Variants in TMEM132C observed in about 807,000 individuals in gnomAD.
TMEM132C encodes transmembrane protein 132C, also known as protein phosphatase 1, regulatory subunit 152.
Under a neutral mutation model 61.4 loss-of-function variants are expected in TMEM132C, and 29 were observed. The observed-to-expected ratio is 0.47, with a 90% CI of 0.35 to 0.64. The LOEUF (loss-of-function observed/expected upper bound fraction) is 0.64. Ranked by LOEUF, TMEM132C falls within the 30% of genes least tolerant of loss-of-function variation. TMEM132C has a pLI of 0.00. For synonymous variants in TMEM132C, 656 were observed against 633.1 expected, an observed-to-expected ratio of 1.04 and a Z score of -0.54; for missense variants, 1,408 against 1,476.9, an observed-to-expected ratio of 0.95 and a Z score of 0.76.
rs150302826 is a variant in TMEM132C at position 128,643,581 on chromosome 12, A to G, written c.1306-25836A>G. Among the ~76,000 whole-genome samples, 538 of 152,136 alleles carry G rather than the reference A, an allele frequency of 3.5e-3. 2 individuals carry two copies. Among genetic ancestry groups the G allele is most frequent in the Admixed American group, 4.7e-3 (72 of 15,294 alleles). On this transcript the variant is annotated intron_variant, in intron 4 of 8. Coordinates refer to ENST00000435159, the MANE Select transcript of TMEM132C (RefSeq NM_001136103.3). ...AAAAATCTCAGTATTCGGACACTGT[A>G]TTTGCTGGGATAGACAACGGGCAGA...
chr12:128,321,968 A>G (rs1872349163), intron 1 of TMEM132C, among the ~76,000 whole-genome samples: 2 of 152,230 alleles, frequency 1.3e-5, no homozygotes, highest in African/African-American at 4.8e-5. Flanking sequence ...GGCCCACCTG[A>G]AGTGCCAGAA....
intron 2 of TMEM132C, among the ~76,000 whole-genome samples, chr12:128,449,362 C>G (rs1195133783): frequency 1.3e-5 from 2 of 152,168 alleles, no homozygotes; most frequent in Admixed American, 1.3e-4. Flanking sequence ...CTTTCCTGGT[C>G]CCCGGAGGCG....
chr12:128,389,779 A>G (rs958366431), intron 1 of TMEM132C, among the ~76,000 whole-genome samples: 1 of 152,344 alleles, frequency 6.6e-6, no homozygotes, highest in Admixed American at 6.5e-5. Context: ...CCAGGTAGAC[A>G]CAGGCCAATT....
chr12:128,676,750 A>G lies in TMEM132C; in HGVS notation c.1449+7190A>G, dbSNP rs980706633. ...TTTCAGTCCTGGTTTGTCTTACAGA[A>G]ATAGAGCCATATCCTTATGCATTTC... is the stretch of plus-strand genomic sequence containing the variant. On this transcript the variant is annotated intron_variant, in intron 5 of 8. Coordinates refer to ENST00000435159, the MANE Select transcript of TMEM132C (RefSeq NM_001136103.3). 1.3e-5 allele frequency among the ~76,000 whole-genome samples: 2 copies of G among 152,228 alleles called. 1 individual carries two copies. The highest frequency in any genetic ancestry group is 1.3e-4 in the Admixed American group (2 of 15,286).
chr12:128,469,840 A>G (rs1201266671), intron 2 of TMEM132C, among the ~76,000 whole-genome samples: 4 of 152,118 alleles, frequency 2.6e-5, no homozygotes, highest in South Asian at 2.1e-4. Flanking sequence ...ATATACATAA[A>G]TGTACCTGTG....
chr12:128,521,812 A>T (rs1872915460), intron 2 of TMEM132C, among the ~76,000 whole-genome samples: 1 of 152,192 alleles, frequency 6.6e-6, no homozygotes. Context: ...CACAATTTTT[A>T]AAAAATATTT....
chr12:128,546,283 T>C (rs1328423494), intron 3 of TMEM132C, among the ~76,000 whole-genome samples: 2 of 152,214 alleles, frequency 1.3e-5, no homozygotes, highest in Admixed American at 1.3e-4. Context: ...TTAAATCTCC[T>C]GAATCGAATG....
intron 1 of TMEM132C, among the ~76,000 whole-genome samples, chr12:128,410,752 T>C (rs1422905884): frequency 6.6e-6 from 1 of 152,190 alleles, no homozygotes; most frequent in Non-Finnish European, 1.5e-5. Context: ...ATAAGTATAG[T>C]ACAATTATCA....
intron 1 of TMEM132C, among the ~76,000 whole-genome samples, chr12:128,405,245 C>A (rs368871566): frequency 6.6e-6 from 1 of 152,124 alleles, no homozygotes; most frequent in African/African-American, 2.4e-5. Context: ...CGGGAGAAAA[C>A]ACACGGCAAA....
At chr12:128,469,170 G>A (rs1013102363) in intron 2 of TMEM132C, among the ~76,000 whole-genome samples, 2 of 152,136 alleles carry the variant, frequency 1.3e-5, no homozygotes, top group Non-Finnish European at 2.9e-5. Flanking sequence ...TGTCTTGGCA[G>A]CCTAAGCCAT....
chr12:128,398,396 A>G (rs1026633276), intron 1 of TMEM132C, among the ~76,000 whole-genome samples: 1 of 152,200 alleles, frequency 6.6e-6, no homozygotes, highest in Non-Finnish European at 1.5e-5. Context: ...ACGGATTTGA[A>G]ATAAAGCCTG....
At chr12:128,438,065 G>C (rs981713373) in intron 2 of TMEM132C, 2 of 152,190 alleles carry the variant, frequency 1.3e-5, no homozygotes, top group African/African-American at 4.8e-5. Flanking sequence ...TCTTTGGGGT[G>C]ACTGAAAGTT....
At chr12:128,444,516 G>T (rs950881877) in intron 2 of TMEM132C, among the ~76,000 whole-genome samples, 2 of 152,160 alleles carry the variant, frequency 1.3e-5, no homozygotes, top group South Asian at 4.1e-4. Flanking sequence ...TGAATTAAGC[G>T]CATTTTCAGA....
intron 1 of TMEM132C, among the ~76,000 whole-genome samples, chr12:128,376,334 T>G (rs1308039173): frequency 6.6e-6 from 1 of 152,234 alleles, no homozygotes; most frequent in Non-Finnish European, 1.5e-5. Flanking sequence ...TGTTCTTGGA[T>G]GTTGTCATAG....
intron 1 of TMEM132C, among the ~76,000 whole-genome samples, chr12:128,304,220 C>A (rs1227195495): frequency 1.0e-5 from 1 of 96,960 alleles, no homozygotes; most frequent in African/African-American, 3.4e-5. Context: ...TTATTTTTTT[C>A]TTTACCTGAG....
intron 1 of TMEM132C, among the ~76,000 whole-genome samples, chr12:128,388,496 T>C (rs1305478219): frequency 6.6e-6 from 1 of 152,242 alleles, no homozygotes; most frequent in Non-Finnish European, 1.5e-5. Context: ...AACTGCTGTG[T>C]GTGCAATAAA....
chr12:128,329,114 T>C (rs1565902826), intron 1 of TMEM132C, among the ~76,000 whole-genome samples: 1 of 152,198 alleles, frequency 6.6e-6, no homozygotes. Flanking sequence ...GCAGACATCA[T>C]TGGCCAAGGC....
intron 3 of TMEM132C, among the ~76,000 whole-genome samples, chr12:128,599,838 T>G (rs2135572800): frequency 6.6e-6 from 1 of 152,324 alleles, no homozygotes; most frequent in East Asian, 1.9e-4. Flanking sequence ...AATCTCATCT[T>G]GAATTCTAGT....
At chr12:128,298,049 C>G (rs1182823663) in intron 1 of TMEM132C, among the ~76,000 whole-genome samples, 1 of 152,206 alleles carries the variant, frequency 6.6e-6, no homozygotes, top group Non-Finnish European at 1.5e-5. Flanking sequence ...CCGCCTTTAG[C>G]TATGAATGTA....
Sources: gnomAD v4.1 joint callset for allele counts (sites outside exome capture counted in the v4.1 genomes callset) on GRCh38, gnomAD v4.1.1 for gene constraint, MANE v1.5 for transcripts, NCBI Gene and HGNC (gene_info 2026-07-23, HGNC 2026-07-21) for gene names.